PTPRD: variants seen among roughly 807,000 people sequenced by gnomAD.
PTPRD encodes receptor-type tyrosine-protein phosphatase delta.
Under a neutral mutation model 214.5 loss-of-function variants are expected in PTPRD, and 34 were observed. The observed-to-expected ratio is 0.16, with a 90% confidence interval of 0.12 to 0.21. The LOEUF (loss-of-function observed/expected upper bound fraction) is 0.21, where lower values mean the gene tolerates loss of function less well. Among genes scored for constraint, PTPRD ranks in the 10% least tolerant of loss-of-function variants. The pLI, the probability that PTPRD is intolerant of heterozygous loss-of-function variation, is 1.00. For synonymous variants in PTPRD, 1,128 were observed against 845.7 expected, an observed-to-expected ratio of 1.33 and a Z score of -5.79; for missense variants, 2,545 against 2,398.7, an observed-to-expected ratio of 1.06 and a Z score of -1.27.
At chr9:10,058,991 A>C (rs2097708268) in intron 3 of PTPRD, among the ~76,000 whole-genome samples, 1 of 152,148 alleles carries the variant, frequency 6.6e-6, no homozygotes, top group Non-Finnish European at 1.5e-5. Context: ...AAACCAACAA[A>C]ATAAAATATA....
At chr9:10,020,296 GTTTCTT>G (rs934584241) in intron 4 of PTPRD, among the ~76,000 whole-genome samples, 13 of 152,186 alleles carry the variant, frequency 8.5e-5, no homozygotes, top group South Asian at 2.1e-4. Flanking sequence ...TACAATATTA[GTTTCTT>G]TTTCTTTTTC....
At chr9:8,328,186 T>A (rs564514733) in intron 44 of PTPRD, among the ~76,000 whole-genome samples, 262 of 152,340 alleles carry the variant, frequency 1.7e-3, no homozygotes, top group Non-Finnish European at 3.2e-3. Flanking sequence ...TAGTGCTTCC[T>A]TCAGGAGCTC....
intron 9 of PTPRD, among the ~76,000 whole-genome samples, chr9:9,394,899 A>C (rs2067199377): frequency 6.6e-6 from 1 of 152,084 alleles, no homozygotes; most frequent in Admixed American, 6.6e-5. Flanking sequence ...TAACAATTGC[A>C]CCAAAGATCA....
intron 10 of PTPRD, among the ~76,000 whole-genome samples, chr9:9,103,467 T>A (rs902522659): frequency 9.2e-5 from 14 of 152,178 alleles, no homozygotes; most frequent in Non-Finnish European, 1.8e-4. Flanking sequence ...CAAGTAAATA[T>A]ATGATGAACT....
chr9:8,991,709 T>C (rs2099367668), intron 11 of PTPRD, among the ~76,000 whole-genome samples: 1 of 152,152 alleles, frequency 6.6e-6, no homozygotes, highest in Admixed American at 6.6e-5. Flanking sequence ...CTTAGGGTAA[T>C]TTTAATTAGA....
intron 10 of PTPRD, among the ~76,000 whole-genome samples, chr9:9,174,124 T>C (rs2099923167): frequency 6.6e-6 from 1 of 152,128 alleles, no homozygotes; most frequent in African/African-American, 2.4e-5. Flanking sequence ...TATTTGTTTA[T>C]ACCATACAGC....
chr9:8,671,950 A>G (rs1183929685), intron 12 of PTPRD, among the ~76,000 whole-genome samples: 1 of 152,198 alleles, frequency 6.6e-6, no homozygotes, highest in Non-Finnish European at 1.5e-5. Context: ...ACATACTCAA[A>G]TATTCATCAG....
chr9:10,031,453 C>T (rs1041387366), intron 4 of PTPRD, among the ~76,000 whole-genome samples: 2 of 151,196 alleles, frequency 1.3e-5, no homozygotes, highest in Admixed American at 6.6e-5. Context: ...GCGAGACTGT[C>T]CCAGCCTCCC....
At position 8,782,768 on chromosome 9, in the gene PTPRD, A is replaced by G. The variant is rs113130111; in HGVS notation, c.-103-48822T>C. ...GCACACCACCACCTGACTAATTTTT[A>G]TATTTTTAGTAGAGACAGGGTTTCA... On this transcript the variant is annotated intron_variant, in intron 11 of 45. Transcript: ENST00000381196. 3.9e-3 allele frequency among the ~76,000 whole-genome samples: 591 copies of G among 151,782 alleles called. 3 individuals are homozygous for G. The highest frequency in any genetic ancestry group is 0.013 in the African/African-American group (551 of 41,404).
chr9:9,911,880 G>A (rs1477489129), intron 5 of PTPRD, among the ~76,000 whole-genome samples: 4 of 151,934 alleles, frequency 2.6e-5, no homozygotes, highest in African/African-American at 4.8e-5. Flanking sequence ...TTCAAAAGTG[G>A]CCAGGTCATT....
chr9:9,217,095 G>A (rs930758710), intron 9 of PTPRD, among the ~76,000 whole-genome samples: 3 of 151,976 alleles, frequency 2.0e-5, no homozygotes, highest in African/African-American at 7.2e-5. Flanking sequence ...ATGCAAATGA[G>A]AACTAAGGGC....
In PTPRD at chr9:10,348,112, T is replaced by TCAAGCA. The variant is rs560323003; in HGVS notation, c.-599-7101_-599-7096dup. On this transcript the variant is annotated intron_variant, in intron 2 of 45. Coordinates refer to ENST00000381196, the MANE Select transcript of PTPRD (RefSeq NM_002839.4). ...GAACTATAGTCACACTATTTATCTATCAAGCACTAAATCTTATTTTATGTC... is the reference window on the plus strand; with the variant it reads ...GAACTATAGTCACACTATTTATCTATCAAGCACAAGCACTAAATCTTATTTTATGTC... Among the ~76,000 whole-genome samples the TCAAGCA allele has an allele frequency of 1.5e-4, 23 of 152,300 alleles. No individual in the cohort carries two copies. The South Asian group carries it at 4.8e-3, about 32-fold the overall frequency.
At position 9,185,864 on chromosome 9, in the gene PTPRD, AT is replaced by A. The variant is rs561647790; in HGVS notation, c.-202-2502del. The stretch of plus-strand genomic sequence containing the variant: ...CAGGTTTTCATAGACATTTTAGATA[AT>A]TTTTTTTCTTTTTTTTTTTGCCTCT... On this transcript the variant is annotated intron_variant, in intron 9 of 45. Transcript: ENST00000381196. Among the ~76,000 whole-genome samples the A allele has an allele frequency of 4.1e-4, 54 of 130,372 alleles. No homozygotes were observed. The South Asian group carries it at 0.014, about 34-fold the overall frequency. 85.5% of individuals were successfully genotyped at this position (130,372 alleles called of 152,430 possible). A position where few individuals can be genotyped will look rare whatever the true frequency, so the allele number is the denominator to read the frequency against.
chr9:8,722,263 T>A (rs551830039), intron 12 of PTPRD, among the ~76,000 whole-genome samples: 2 of 151,814 alleles, frequency 1.3e-5, no homozygotes, highest in East Asian at 3.9e-4. Flanking sequence ...CTGTGAGCAT[T>A]GCCAAAGGGT....
At chr9:9,619,834 A>G (rs1317132297) in intron 7 of PTPRD, among the ~76,000 whole-genome samples, 3 of 147,482 alleles carry the variant, frequency 2.0e-5, no homozygotes, top group African/African-American at 4.9e-5. Context: ...ATCTTTATAT[A>G]TGTTAGCTTT....
intron 3 of PTPRD, among the ~76,000 whole-genome samples, chr9:10,222,771 T>C (rs1224818045): frequency 4.0e-5 from 6 of 151,898 alleles, no homozygotes; most frequent in Non-Finnish European, 8.8e-5. Context: ...TATATGAAAA[T>C]AGGTAGTAAT....
chr9:8,382,232 C>T (rs1188874297), intron 37 of PTPRD, among the ~76,000 whole-genome samples: 1 of 152,228 alleles, frequency 6.6e-6, no homozygotes, highest in Non-Finnish European at 1.5e-5. Context: ...GAACATCAGC[C>T]TTTCCAGACA....
At chr9:8,644,083 G>T (rs1199942903) in intron 12 of PTPRD, among the ~76,000 whole-genome samples, 1 of 152,202 alleles carries the variant, frequency 6.6e-6, no homozygotes, top group African/African-American at 2.4e-5. Flanking sequence ...AAGCAAAGCA[G>T]ATGGGACAAC....
At chr9:9,236,746 T>C (rs1280827044) in intron 9 of PTPRD, among the ~76,000 whole-genome samples, 1 of 151,918 alleles carries the variant, frequency 6.6e-6, no homozygotes, top group Admixed American at 6.6e-5. Context: ...GGCATTTTGA[T>C]TATTTGGGCT....
Sources: allele counts gnomAD v4.1 joint callset (sites outside exome capture counted in the v4.1 genomes callset), GRCh38; gene constraint gnomAD v4.1.1; transcripts MANE v1.5; gene names NCBI Gene and HGNC (gene_info 2026-07-23, HGNC 2026-07-21).